Variants in SCARA3 observed in about 807,000 individuals in gnomAD.
The protein encoded by SCARA3 is scavenger receptor class A member 3.
SCARA3 carries 39 observed loss-of-function variants against 47.0 expected under a neutral mutation model. The ratio of observed to expected loss-of-function variants is 0.83; its 90% CI spans 0.64 to 1.08. SCARA3 has a LOEUF of 1.08. SCARA3 is among the 50% of genes least tolerant of loss of function. The pLI, the probability that SCARA3 is intolerant of heterozygous loss-of-function variation, is 0.00. For missense variants in SCARA3, 724 were observed against 792.3 expected, an observed-to-expected ratio of 0.91 and a Z score of 1.04; for synonymous variants, 356 against 334.1, an observed-to-expected ratio of 1.07 and a Z score of -0.71.
At chr8:27,710,890 T>A in the SCARA3 span, among the ~76,000 whole-genome samples, 1 of 151,736 alleles carries the variant, frequency 6.6e-6, no homozygotes, top group Non-Finnish European at 1.5e-5. Flanking sequence ...GAGATATGAT[T>A]TCGAGCAAGA....
chr8:27,726,494 C>T, the SCARA3 span, among the ~76,000 whole-genome samples: 3 of 152,004 alleles, frequency 2.0e-5, no homozygotes, highest in African/African-American at 7.2e-5. Context: ...GTCAGCAGTT[C>T]GAGACCAGCC....
At chr8:27,701,264 A>T in the SCARA3 span, 23,381 of 152,134 alleles carry the variant, frequency 0.15, 2,048 homozygotes, top group Middle Eastern at 0.27. Context: ...GTTACCTGGG[A>T]TGGGATGGTT....
chr8:27,679,399 T>C (rs473024), downstream of SCARA3, among the ~76,000 whole-genome samples: 29,573 of 152,116 alleles, frequency 0.19, 3,296 homozygotes, highest in Middle Eastern at 0.35. Context: ...GGAAGGGAAG[T>C]GGATCAGTGG....
chr8:27,662,780 C>T (rs980897044), intron 5 of SCARA3, among the ~76,000 whole-genome samples: 1 of 152,138 alleles, frequency 6.6e-6, no homozygotes. Context: ...AATGGGAAGT[C>T]CATGTTGTTA....
chr8:27,708,222 C>T, the SCARA3 span, among the ~76,000 whole-genome samples: 1 of 151,944 alleles, frequency 6.6e-6, no homozygotes, highest in Non-Finnish European at 1.5e-5. Context: ...AGGTTGATAA[C>T]ATAAATGATA....
Position 27,651,533 on chromosome 8 carries a change from C to G in SCARA3, c.132C>G (p.Arg44=). The G allele has an allele frequency of 6.2e-7, 1 of 1,613,530 alleles. No homozygotes were observed. The highest frequency in any genetic ancestry group is 8.5e-7 in the Non-Finnish European group (1 of 1,180,028). The change falls in exon 3 of 6, where the codon CGC becomes CGG. Residue 44 remains arginine (R), a synonymous_variant. Coordinates refer to ENST00000301904, the MANE Select transcript of SCARA3 (RefSeq NM_016240.3). ...GCCGGCCAGGGCCCCGCTGCAGCCGCTGCCAGAAGAACCTATCTTTGCACA... is the reference window on the plus strand; with the variant it reads ...GCCGGCCAGGGCCCCGCTGCAGCCGGTGCCAGAAGAACCTATCTTTGCACA... The part of the protein sequence containing the change: ...QKGRPGPRCS[R]CQKNLSLHTS...
Position 27,672,530 on chromosome 8 carries a change from TC to T in SCARA3, c.*1181del, listed in dbSNP as rs2128924460. 1 of 985,754 alleles carries T rather than the reference TC, an allele frequency of 1.0e-6. No homozygotes were observed. The highest frequency in any genetic ancestry group is 1.7e-5 in the African/African-American group (1 of 57,370). 61.1% of individuals were successfully genotyped at this position (985,754 alleles called of 1,614,324 possible). On this transcript the variant is annotated 3_prime_UTR_variant, in exon 6 of 6. Coordinates refer to ENST00000301904, the MANE Select transcript of SCARA3 (RefSeq NM_016240.3). ...AGCTCTCGCCTCCCGCACACGGCTC[TC>T]CTGATCACAGCTGCATGCCGACCTT...
chr8:27,659,124 G>A lies in SCARA3; in HGVS notation c.954G>A (p.Leu318=), dbSNP rs61760956. 4 of 1,614,020 alleles carry A rather than the reference G, an allele frequency of 2.5e-6. No homozygotes were observed. Among genetic ancestry groups the A allele is most frequent in the Non-Finnish European group, 3.4e-6 (4 of 1,180,010 alleles). The change falls in exon 5 of 6, where the codon CTG becomes CTA. Residue 318 remains leucine, a synonymous_variant. Coordinates refer to ENST00000301904, the MANE Select transcript of SCARA3 (RefSeq NM_016240.3). ...QLQLDNISSF[L]DDHEENMHDL... Reference sequence around the variant, plus strand: ...AGCTGGATAACATCTCGTCCTTCCTGGATGACCACGAAGAGAACATGCATG... The same window carrying A: ...AGCTGGATAACATCTCGTCCTTCCTAGATGACCACGAAGAGAACATGCATG...
intron 5 of SCARA3, among the ~76,000 whole-genome samples, chr8:27,663,522 C>T (rs573985152): frequency 1.1e-4 from 17 of 152,310 alleles, no homozygotes; most frequent in South Asian, 2.1e-4. Context: ...GCTCTGCACA[C>T]GCAACTTTAT....
the SCARA3 span, among the ~76,000 whole-genome samples, chr8:27,698,403 G>C: frequency 6.6e-6 from 1 of 152,166 alleles, no homozygotes; most frequent in African/African-American, 2.4e-5. Flanking sequence ...AAGAGCACCA[G>C]GGATAGCTAA....
the SCARA3 span, chr8:27,697,334 C>T: frequency 0.85 from 174,140 of 205,754 alleles, 74,940 homozygotes; most frequent in East Asian, 0.98. Flanking sequence ...TCTGAGCAGG[C>T]GTCCCACGCC....
intron 3 of SCARA3, among the ~76,000 whole-genome samples, chr8:27,656,434 G>A (rs773649784): frequency 4.6e-5 from 7 of 152,196 alleles, no homozygotes; most frequent in Admixed American, 1.3e-4. Context: ...TATCAATGTA[G>A]ACAAGACTAG....
At chr8:27,687,710 G>T in the SCARA3 span, among the ~76,000 whole-genome samples, 1 of 151,926 alleles carries the variant, frequency 6.6e-6, no homozygotes, top group Non-Finnish European at 1.5e-5. Context: ...GGCAGAGGAT[G>T]CTTAACTTAG....
chr8:27,724,143 C>G, the SCARA3 span, among the ~76,000 whole-genome samples: 1 of 152,194 alleles, frequency 6.6e-6, no homozygotes, highest in Non-Finnish European at 1.5e-5. Flanking sequence ...CAAAGGGCTG[C>G]TTTATGTTAT....
downstream of SCARA3, among the ~76,000 whole-genome samples, chr8:27,676,282 G>A (rs1296701133): frequency 9.2e-5 from 14 of 152,224 alleles, no homozygotes. Flanking sequence ...ACAAAGCTGT[G>A]ACAAGGCTTC....
the SCARA3 span, among the ~76,000 whole-genome samples, chr8:27,729,317 T>C: frequency 6.6e-6 from 1 of 152,160 alleles, no homozygotes; most frequent in Non-Finnish European, 1.5e-5. Context: ...AGCTATGTGC[T>C]CTCTGGCTCA....
downstream of SCARA3, among the ~76,000 whole-genome samples, chr8:27,674,869 C>T (rs1802240702): frequency 6.6e-6 from 1 of 151,908 alleles, no homozygotes; most frequent in Non-Finnish European, 1.5e-5. Flanking sequence ...GCTGGGACTA[C>T]AGGCGTGCAC....
intron 4 of SCARA3, 22 bp downstream of exon 4, chr8:27,656,902 T>TGCATCACA: frequency 6.9e-7 from 1 of 1,448,234 alleles, no homozygotes. Flanking sequence ...GGCTGATGAC[T>TGCATCACA]GTGATGCAGT....
At chr8:27,696,310 A>T in the SCARA3 span, among the ~76,000 whole-genome samples, 1 of 152,222 alleles carries the variant, frequency 6.6e-6, no homozygotes, top group Non-Finnish European at 1.5e-5. Flanking sequence ...ATGCCTGGCC[A>T]AGAGAAAATA....
Sources: allele counts gnomAD v4.1 joint callset (sites outside exome capture counted in the v4.1 genomes callset), GRCh38; gene constraint gnomAD v4.1.1; transcripts MANE v1.5; gene names NCBI Gene and HGNC (gene_info 2026-07-23, HGNC 2026-07-21).